The following TRIM49 variants were observed in gnomAD, a reference collection of about 807,000 sequenced individuals.
TRIM49 encodes tripartite motif containing 49, also known as tripartite motif-containing protein 49.
Under a neutral mutation model 27.4 loss-of-function variants are expected in TRIM49, and 5 were observed. The observed-to-expected ratio is 0.18, with a 90% confidence interval of 0.10 to 0.38. TRIM49 has a LOEUF of 0.38. Among genes scored for constraint, TRIM49 ranks in the 10% least tolerant of loss-of-function variants. TRIM49 has a pLI of 1.00. For missense variants in TRIM49, 188 were observed against 487.5 expected (o/e 0.39, Z 5.79); for synonymous variants, 69 against 166.0 (o/e 0.42, Z 4.49).
At chr11:89,787,904 G>A in the TRIM49 span, 4 of 401,540 alleles carry the variant, frequency 1.0e-5, no homozygotes, top group Non-Finnish European at 4.5e-6. Context: ...GGGCACCGTG[G>A]CAGCTCCCGG....
At chr11:89,766,492 G>C in the TRIM49 span, 1 of 475,344 alleles carries the variant, frequency 2.1e-6, no homozygotes, top group South Asian at 2.3e-5. Context: ...TGACACTAAA[G>C]TAGAAAAAAG....
the TRIM49 span, among the ~76,000 whole-genome samples, chr11:89,775,191 A>G: frequency 8.9e-6 from 1 of 112,144 alleles, no homozygotes; most frequent in Non-Finnish European, 1.6e-5. Flanking sequence ...CAGCCTGGCC[A>G]ACATGGTGAA....
the TRIM49 span, chr11:89,787,145 C>T: frequency 9.7e-5 from 19 of 196,468 alleles, no homozygotes; most frequent in African/African-American, 4.8e-4. Context: ...GGCGCAGAAG[C>T]CCGAGGGCTC....
At chr11:89,775,696 A>C in the TRIM49 span, among the ~76,000 whole-genome samples, 2 of 133,978 alleles carry the variant, frequency 1.5e-5, 1 homozygote, top group East Asian at 4.6e-4. Flanking sequence ...TGAATTGGCA[A>C]TGGGAAAAAA....
At chr11:89,793,732 C>T (rs1949670655), downstream of TRIM49, among the ~76,000 whole-genome samples, 1 of 151,932 alleles carries the variant, frequency 6.6e-6, no homozygotes, top group Admixed American at 6.6e-5. Flanking sequence ...TGGGACGTAT[C>T]TCAAAATAAT....
the TRIM49 span, among the ~76,000 whole-genome samples, chr11:89,774,155 C>A: frequency 2.0e-5 from 3 of 150,280 alleles, no homozygotes; most frequent in Non-Finnish European, 4.4e-5. Flanking sequence ...TGCCTGCCAC[C>A]GAACTCGGCT....
chr11:89,791,670 C>A, the TRIM49 span, among the ~76,000 whole-genome samples: 6 of 151,778 alleles, frequency 4.0e-5, no homozygotes, highest in African/African-American at 9.7e-5. Flanking sequence ...GAGAAATAAA[C>A]TCCTGTATAG....
chr11:89,805,163 G>A, intron 2 of TRIM49, among the ~76,000 whole-genome samples: 1 of 151,652 alleles, frequency 6.6e-6, no homozygotes, highest in African/African-American at 2.4e-5. Context: ...TAAAGATATT[G>A]GGTCTTTTTA....
chr11:89,802,580 CACATACATACATACAT>C (rs199832331), intron 4 of TRIM49, among the ~76,000 whole-genome samples: 1 of 147,156 alleles, frequency 6.8e-6, no homozygotes, highest in Non-Finnish European at 1.5e-5. Flanking sequence ...CAAACACACA[CACATACATACATACAT>C]ACATACATAC....
At position 89,798,405 on chromosome 11, in the gene TRIM49, G is replaced by C. The variant is rs9667365; in HGVS notation, c.1084C>G (p.Arg362Gly). The change falls in exon 8 of 8, where the codon CGG becomes GGG. Residue 362 changes from arginine to glycine, a missense_variant. Transcript: ENST00000329758. ...TTCTCATTCTGATTCTTCTCTTTCC[G>C]ATACATATTACAGACACCAAAAGCC... is the stretch of plus-strand genomic sequence containing the variant. Reference protein sequence around the residue: ...NWAFGVCNMYRKEKNQNEKID... With the variant: ...NWAFGVCNMYGKEKNQNEKID... 4 of 1,603,134 alleles carry C rather than the reference G, an allele frequency of 2.5e-6. No individual in the cohort carries two copies. The highest frequency in any genetic ancestry group is 4.6e-5 in the East Asian group (2 of 43,762).
At chr11:89,790,690 T>C in the TRIM49 span, among the ~76,000 whole-genome samples, 3 of 151,994 alleles carry the variant, frequency 2.0e-5, no homozygotes, top group Admixed American at 1.3e-4. Flanking sequence ...CTGAGGGTCC[T>C]GACTGTTAGA....
chr11:89,792,582 T>A, the TRIM49 span, among the ~76,000 whole-genome samples: 1 of 152,134 alleles, frequency 6.6e-6, no homozygotes, highest in Non-Finnish European at 1.5e-5. Context: ...AACTCAGGAT[T>A]AAGAAACTCA....
downstream of TRIM49, among the ~76,000 whole-genome samples, chr11:89,793,969 G>A (rs1458662188): frequency 2.7e-4 from 40 of 149,722 alleles, no homozygotes; most frequent in African/African-American, 9.3e-4. Context: ...CAGATGACAC[G>A]ATTGTATGTT....
At chr11:89,796,535 C>A (rs1375422012), downstream of TRIM49, among the ~76,000 whole-genome samples, 2 of 142,656 alleles carry the variant, frequency 1.4e-5, no homozygotes, top group Non-Finnish European at 3.0e-5. Flanking sequence ...CATGCCTGGG[C>A]TCCTATTTTA....
At chr11:89,791,303 A>T in the TRIM49 span, among the ~76,000 whole-genome samples, 584 of 152,278 alleles carry the variant, frequency 3.8e-3, 1 homozygote, top group African/African-American at 0.013. Context: ...TATGGATACG[A>T]GTTGGAAAAC....
At chr11:89,774,085 C>T in the TRIM49 span, among the ~76,000 whole-genome samples, 4 of 148,426 alleles carry the variant, frequency 2.7e-5, no homozygotes, top group Admixed American at 6.6e-5. Flanking sequence ...AGTGTAACCT[C>T]TGCCTCCCAG....
At chr11:89,773,586 A>G in the TRIM49 span, among the ~76,000 whole-genome samples, 2 of 133,368 alleles carry the variant, frequency 1.5e-5, 1 homozygote, top group African/African-American at 7.1e-5. Context: ...ATTCAGACAA[A>G]TAACGGCTAG....
chr11:89,793,139 A>T (rs977408831), downstream of TRIM49, among the ~76,000 whole-genome samples: 5 of 152,148 alleles, frequency 3.3e-5, no homozygotes, highest in African/African-American at 1.2e-4. Flanking sequence ...AAACTAGAAA[A>T]TCTAGAAGAA....
the TRIM49 span, chr11:89,786,916 G>A: frequency 8.1e-6 from 1 of 123,476 alleles, no homozygotes; most frequent in Non-Finnish European, 1.6e-5. Flanking sequence ...CCTTGAAGGA[G>A]GGATGCGTTT....
Sources: gnomAD v4.1 joint callset for allele counts (sites outside exome capture counted in the v4.1 genomes callset) on GRCh38, gnomAD v4.1.1 for gene constraint, MANE v1.5 for transcripts, NCBI Gene and HGNC (gene_info 2026-07-23, HGNC 2026-07-21) for gene names.